Variants in CHD4 observed in about 807,000 individuals in gnomAD.
CHD4 encodes chromodomain helicase DNA binding protein 4, also known as ATP-dependent chromatin remodeler CHD4.
CHD4 carries 35 observed loss-of-function variants against 235.5 expected under a neutral mutation model. The ratio of observed to expected loss-of-function variants is 0.15; its 90% CI spans 0.11 to 0.20. CHD4 has a LOEUF of 0.20. Among genes scored for constraint, CHD4 ranks in the 10% least tolerant of loss-of-function variants. The pLI is 1.00. For synonymous variants in CHD4, 900 were observed against 850.2 expected (o/e 1.06, Z -1.02); for missense variants, 1,329 against 2,432.3 (o/e 0.55, Z 9.54).
Position 6,591,688 on chromosome 12 carries a change from T to C in CHD4, c.3222+6A>G, listed in dbSNP as rs771773391. ...TGTTCCCTAAAGCTCCCAGTCCACA[T>C]GATACCTGGGAAAAGATGAGTACAC... On this transcript the variant is annotated splice_donor_region_variant and intron_variant, in intron 21 of 39. Coordinates refer to ENST00000544040, the MANE Select transcript of CHD4 (RefSeq NM_001273.5). 7 of 1,613,904 alleles carry C rather than the reference T, an allele frequency of 4.3e-6. No individual in the cohort carries two copies. The highest frequency in any genetic ancestry group is 1.3e-5 in the African/African-American group (1 of 74,912).
intron 9 of CHD4, 70 bp downstream of exon 9, chr12:6,600,146 GC>G: frequency 6.3e-7 from 1 of 1,583,010 alleles, no homozygotes; most frequent in Non-Finnish European, 8.6e-7. Flanking sequence ...TTCCATCCAG[GC>G]CCCGAAGAGC....
At chr12:6,573,914 C>G (rs1484629688) in intron 37 of CHD4, among the ~76,000 whole-genome samples, 2 of 139,638 alleles carry the variant, frequency 1.4e-5, no homozygotes, top group African/African-American at 6.2e-5. Context: ...ACTGCAGCTA[C>G]TCAAGAGGTT....
intron 37 of CHD4, among the ~76,000 whole-genome samples, chr12:6,575,544 A>C (rs1255497073): frequency 6.6e-6 from 1 of 152,066 alleles, no homozygotes; most frequent in Admixed American, 6.6e-5. Flanking sequence ...ACTAAGTCCA[A>C]TAAATTCTTT....
At chr12:6,597,085 C>G (rs983992256) in intron 12 of CHD4, among the ~76,000 whole-genome samples, 11 of 145,984 alleles carry the variant, frequency 7.5e-5, no homozygotes, top group Non-Finnish European at 1.6e-4. Context: ...CTGGCTAACA[C>G]AGTGAAATCC....
rs1948008808 is a variant in CHD4, at chr12:6,573,187, G to T, written c.5444C>A (p.Ser1815Tyr). 1.1e-5 allele frequency: 17 copies of T among 1,606,320 alleles called. No homozygotes were observed. Among genetic ancestry groups the T allele is most frequent in the Non-Finnish European group, 1.4e-5 (17 of 1,177,368 alleles). ...LNMSEDPSHP[S>Y]MALNTRFAEV... Reference sequence around the variant, plus strand: ...AGCAAAGCGGGTGTTGAGGGCCATGGAAGGGTGAGAAGGGTCTTCTGACAT... The same window carrying T: ...AGCAAAGCGGGTGTTGAGGGCCATGTAAGGGTGAGAAGGGTCTTCTGACAT... The change falls in exon 38 of 40, where the codon TCC becomes TAC. Residue 1815 changes from serine (S) to tyrosine (Y), a missense_variant. Physicochemically the swap from Ser to Tyr is moderately radical, Grantham distance 144. Transcript: ENST00000544040.
chr12:6,581,613 G>C, intron 31 of CHD4, 36 bp downstream of exon 31: 2 of 1,614,074 alleles, frequency 1.2e-6, no homozygotes, highest in Non-Finnish European at 1.7e-6. Flanking sequence ...AGGACAAAAA[G>C]AGAGGGACAG....
rs1184972850 is a variant in CHD4, at chr12:6,581,176, TC to T, written c.4780-4del. 5.6e-6 allele frequency: 9 copies of T among 1,611,438 alleles called. No individual in the cohort carries two copies. The African/African-American group carries it at 1.2e-4, about 22-fold the overall frequency. ...GCAGGGGCAGGGGCCTGTGTACACTTCAAAGGAAAAAAAAACAAAAACAAAA... is the reference window on the plus strand; with the variant it reads ...GCAGGGGCAGGGGCCTGTGTACACTTAAAGGAAAAAAAAACAAAAACAAAA... On this transcript the variant is annotated splice_polypyrimidine_tract_variant and splice_region_variant and intron_variant, in intron 32 of 39. Coordinates refer to ENST00000544040, the MANE Select transcript of CHD4 (RefSeq NM_001273.5).
intron 3 of CHD4, 35 bp from the exon 4 acceptor site, chr12:6,602,210 C>A (rs770224021): frequency 6.2e-7 from 1 of 1,609,534 alleles, no homozygotes; most frequent in Non-Finnish European, 8.5e-7. Context: ...GGGAGACAGA[C>A]ACACACATGC....
intron 2 of CHD4, among the ~76,000 whole-genome samples, chr12:6,605,470 G>C (rs80047686): frequency 6.6e-6 from 1 of 152,142 alleles, no homozygotes; most frequent in Admixed American, 6.6e-5. Flanking sequence ...GGTTTGGCCA[G>C]TTCATGAAGC....
rs750214515 is a variant in CHD4, at chr12:6,570,665, A to G, written c.*11T>C. On this transcript the variant is annotated 3_prime_UTR_variant, in exon 40 of 40. Transcript: ENST00000544040. ...ACTGCTCAGCGGTGGAGGTGGTATC[A>G]GTCTGCATCTTCACTGCTGCTGGGC... The G allele has an allele frequency of 6.2e-7, 1 of 1,614,176 alleles. No homozygotes were observed. Among genetic ancestry groups the G allele is most frequent in the Admixed American group, 1.7e-5 (1 of 60,018 alleles).
At position 6,598,333 on chromosome 12, in the gene CHD4, A is replaced by T; in HGVS notation, c.1575T>A (p.Ala525=). 6.2e-7 allele frequency: 1 copy of T among 1,614,176 alleles called. No homozygotes were observed. The highest frequency in any genetic ancestry group is 1.3e-5 in the African/African-American group (1 of 75,068). ...GCTTTGGGGAGGGCGTGTTGGGATC[A>T]GCATCTGGAGGCCGAGGCACTGGTG... ...SPTPVPRPPD[A]DPNTPSPKPL... Residue 525 remains alanine, a synonymous_variant, in exon 11 of 40, where the codon GCT becomes GCA. Coordinates refer to ENST00000544040, the MANE Select transcript of CHD4 (RefSeq NM_001273.5).
rs188528105 is a variant in CHD4, at chr12:6,585,977, G to C, written c.3879+1407C>G. Among the ~76,000 whole-genome samples the C allele has an allele frequency of 1.7e-3, 258 of 152,048 alleles. 7 individuals carry two copies. In the South Asian group the frequency reaches 0.031, roughly 18 times the overall value. ...TAGCCGGGCATGGTGGTGCATACCT[G>C]TAATCTCAGCTACTTGGGAGGCTGA... On this transcript the variant is annotated intron_variant, in intron 25 of 39. Transcript: ENST00000544040.
Position 6,593,287 on chromosome 12 carries a change from G to T in CHD4, c.2515-59C>A. 1 of 1,609,196 alleles carries T rather than the reference G, an allele frequency of 6.2e-7. No homozygotes were observed. ...AGTTCCTCTGTGTAAGCACAACCAGGAGACTGATGGAATGTTTTCCTCCTC... is the reference window on the plus strand; with the variant it reads ...AGTTCCTCTGTGTAAGCACAACCAGTAGACTGATGGAATGTTTTCCTCCTC... On this transcript the variant is annotated intron_variant, in intron 16 of 39. Coordinates refer to ENST00000544040, the MANE Select transcript of CHD4 (RefSeq NM_001273.5). The surrounding 1 kb of genome is among the most constrained non-coding windows in gnomAD (Gnocchi z 4.9).
At position 6,606,352 on chromosome 12, in the gene CHD4, G is replaced by A. The variant is rs1948698590; in HGVS notation, c.22C>T (p.Pro8Ser). 1 of 1,571,448 alleles carries A rather than the reference G, an allele frequency of 6.4e-7. No homozygotes were observed. Among genetic ancestry groups the A allele is most frequent in the Non-Finnish European group, 8.6e-7 (1 of 1,162,106 alleles). Residue 8 changes from proline to serine, a missense_variant, in exon 2 of 40, where the codon CCG becomes TCG. Physicochemically the swap from Pro to Ser is moderately conservative, Grantham distance 74. Transcript: ENST00000544040. Reference protein sequence around the residue: MASGLGSPSPCSAGSEEE... With the variant: MASGLGSSSPCSAGSEEE... ...TCACTGCCCGCCGAGCAGGGGGACG[G>A]GGAGCCCAGGCCCGACGCCATCCCC...
chr12:6,601,987 C>T lies in CHD4; in HGVS notation c.411G>A (p.Glu137=). Residue 137 remains glutamate, a synonymous_variant, in exon 4 of 40, where the codon GAG becomes GAA. Transcript: ENST00000544040. ...TTGAATCATCATCATCATCCTCCTC[C>T]TCCTCCTCCTCCTTCCGCTTGGATT... ...KSKSKRKEEE[E]EEDDDDDSKE... 1.2e-6 allele frequency: 2 copies of T among 1,608,042 alleles called. No individual in the cohort carries two copies. The highest frequency in any genetic ancestry group is 8.5e-7 in the Non-Finnish European group (1 of 1,178,650).
Position 6,592,836 on chromosome 12 carries a change from A to G in CHD4, c.2653-19T>C. On this transcript the variant is annotated intron_variant, in intron 17 of 39. Transcript: ENST00000544040. ...GGAAGAACTGGTGAAGCAGATGGAG[A>G]AAGGTGAAATCCAATGAAAACAGAG... The G allele has an allele frequency of 6.2e-7, 1 of 1,604,744 alleles. No homozygotes were observed. Among genetic ancestry groups the G allele is most frequent in the Non-Finnish European group, 8.5e-7 (1 of 1,177,304 alleles).
intron 37 of CHD4, 125 bp downstream of exon 37, chr12:6,577,660 C>CA: frequency 7.5e-7 from 1 of 1,325,422 alleles, no homozygotes; most frequent in Non-Finnish European, 1.0e-6. Context: ...TACTTGGGAG[C>CA]AAAGCCTTCC....
At chr12:6,588,729 G>C (rs1449337474) in intron 22 of CHD4, among the ~76,000 whole-genome samples, 1 of 151,176 alleles carries the variant, frequency 6.6e-6, no homozygotes, top group Non-Finnish European at 1.5e-5. Flanking sequence ...AGTGAGCAGA[G>C]ATTGCACCAC....
chr12:6,578,541 T>C lies in CHD4; in HGVS notation c.4987A>G (p.Lys1663Glu). The C allele has an allele frequency of 6.2e-7, 1 of 1,611,116 alleles. No individual in the cohort carries two copies. The highest frequency in any genetic ancestry group is 8.5e-7 in the Non-Finnish European group (1 of 1,179,724). Residue 1663 changes from lysine to glutamate, a missense_variant, in exon 35 of 40, where the codon AAG (lysine) becomes GAG (glutamate). Coordinates refer to ENST00000544040, the MANE Select transcript of CHD4 (RefSeq NM_001273.5). The stretch of plus-strand genomic sequence containing the variant: ...TCTTTTTTCTCTTCTTCTTCTTTCT[T>C]CTCTTCTACAGAATATGGGGAAGAA... ...TPIVVEDKEE[K>E]KEEEEKKEVM...
Sources: allele counts gnomAD v4.1 joint callset (sites outside exome capture counted in the v4.1 genomes callset), GRCh38; gene constraint gnomAD v4.1.1; non-coding constraint Gnocchi (gnomAD v3.1); transcripts MANE v1.5; gene names NCBI Gene and HGNC (gene_info 2026-07-23, HGNC 2026-07-21).